The following PARVA variants were observed in gnomAD, a reference collection of about 807,000 sequenced individuals.
PARVA encodes the protein alpha-parvin.
A neutral mutation model predicts 52.6 loss-of-function variants in PARVA; 25 were observed. The ratio of observed to expected loss-of-function variants is 0.48; its 90% CI spans 0.35 to 0.66. PARVA has a LOEUF of 0.66. Among genes scored for constraint, PARVA ranks in the 30% least tolerant of loss-of-function variants. PARVA has a pLI of 0.01. For missense variants in PARVA, 373 were observed against 450.9 expected (o/e 0.83, Z 1.56); for synonymous variants, 185 against 179.1 (o/e 1.03, Z -0.26).
chr11:12,428,295 C>T (rs1475337608), intron 1 of PARVA, among the ~76,000 whole-genome samples: 1 of 152,112 alleles, frequency 6.6e-6, no homozygotes, highest in Non-Finnish European at 1.5e-5. Flanking sequence ...GCTTCCTTTT[C>T]CATATAGAGT....
At chr11:12,425,903 A>C (rs1445686380) in intron 1 of PARVA, among the ~76,000 whole-genome samples, 1 of 152,236 alleles carries the variant, frequency 6.6e-6, no homozygotes, top group East Asian at 1.9e-4. Flanking sequence ...TATTCGCTTT[A>C]GTAAACTATT....
At position 12,531,128 on chromosome 11, in the gene PARVA, C is replaced by A. The variant is rs896012949; in HGVS notation, c.*3203C>A. On this transcript the variant is annotated 3_prime_UTR_variant, in exon 13 of 13. Coordinates refer to ENST00000334956, the MANE Select transcript of PARVA (RefSeq NM_018222.5). Reference sequence around the variant, plus strand: ...TTACTACATACGCTATAATACTGTACTATAAAGTCTAGCTGCCAGCAATGC... The same window carrying A: ...TTACTACATACGCTATAATACTGTAATATAAAGTCTAGCTGCCAGCAATGC... Among the ~76,000 whole-genome samples the A allele has an allele frequency of 6.6e-6, 1 of 152,198 alleles. No individual in the cohort carries two copies. The highest frequency in any genetic ancestry group is 1.5e-5 in the Non-Finnish European group (1 of 68,040).
intron 4 of PARVA, among the ~76,000 whole-genome samples, chr11:12,483,983 T>C (rs1435362891): frequency 3.3e-5 from 5 of 152,284 alleles, no homozygotes; most frequent in East Asian, 1.9e-4. Context: ...TCCAGGGTGA[T>C]TGATGGAAGA....
chr11:12,478,136 G>C (rs1476815871), intron 4 of PARVA, 187 bp downstream of exon 4: 9 of 681,928 alleles, frequency 1.3e-5, no homozygotes, highest in Non-Finnish European at 2.4e-5. Context: ...TCATATGAAT[G>C]AATTGTAGAG....
At chr11:12,523,393 T>A (rs1435161340) in intron 12 of PARVA, among the ~76,000 whole-genome samples, 1 of 152,068 alleles carries the variant, frequency 6.6e-6, no homozygotes, top group Non-Finnish European at 1.5e-5. Flanking sequence ...GGTCAAGGGG[T>A]TCAGAGACCG....
intron 7 of PARVA, among the ~76,000 whole-genome samples, chr11:12,509,478 A>G (rs968802908): frequency 1.3e-5 from 2 of 152,014 alleles, no homozygotes; most frequent in Non-Finnish European, 2.9e-5. Context: ...TGCCCTCTGT[A>G]GCTGCTGTTC....
intron 1 of PARVA, among the ~76,000 whole-genome samples, chr11:12,423,329 C>T (rs2134986500): frequency 1.3e-5 from 2 of 150,920 alleles, no homozygotes; most frequent in East Asian, 2.0e-4. Flanking sequence ...CAGGCGTGCG[C>T]CACCATGCGT....
chr11:12,483,777 A>T (rs7124879), intron 4 of PARVA, among the ~76,000 whole-genome samples: 3 of 152,136 alleles, frequency 2.0e-5, no homozygotes, highest in African/African-American at 7.2e-5. Context: ...TGCGCTGTTG[A>T]TGTTGCTGCC....
At chr11:12,504,671 A>G (rs1941411410) in intron 6 of PARVA, among the ~76,000 whole-genome samples, 1 of 151,468 alleles carries the variant, frequency 6.6e-6, no homozygotes, top group Non-Finnish European at 1.5e-5. Flanking sequence ...GTATGTGCCT[A>G]TGGTTTATGT....
intron 4 of PARVA, 146 bp from the exon 5 acceptor site, chr11:12,496,312 T>A: frequency 1.8e-6 from 1 of 563,176 alleles, no homozygotes; most frequent in East Asian, 3.9e-5. Context: ...GCAGTGTCCC[T>A]CTGCTGGTAG....
chr11:12,404,999 A>G (rs1255877076), intron 1 of PARVA, among the ~76,000 whole-genome samples: 2 of 152,234 alleles, frequency 1.3e-5, no homozygotes, highest in East Asian at 3.8e-4. Flanking sequence ...GGGCTGGGTC[A>G]GCTACCGTCT....
At chr11:12,487,092 T>G (rs1016851237) in intron 4 of PARVA, among the ~76,000 whole-genome samples, 1 of 152,094 alleles carries the variant, frequency 6.6e-6, no homozygotes, top group East Asian at 1.9e-4. Context: ...GGAGTGTCAG[T>G]TTGGATGGGG....
At chr11:12,443,165 C>CAA (rs1940492698) in intron 1 of PARVA, among the ~76,000 whole-genome samples, 4 of 95,038 alleles carry the variant, frequency 4.2e-5, no homozygotes, top group Admixed American at 1.4e-4. Flanking sequence ...CCGGCGCCCC[C>CAA]CTTCTTTTTT....
chr11:12,504,505 G>A (rs898484043), intron 6 of PARVA, 76 bp downstream of exon 6: 2 of 851,090 alleles, frequency 2.3e-6, no homozygotes, highest in Non-Finnish European at 3.9e-6. Flanking sequence ...GCGTCGAGTA[G>A]GTCATTAGAA....
chr11:12,381,328 C>G (rs1031118275), intron 1 of PARVA, among the ~76,000 whole-genome samples: 2 of 152,186 alleles, frequency 1.3e-5, no homozygotes, highest in African/African-American at 2.4e-5. Flanking sequence ...TCAACTTTCT[C>G]TTTGGTGTTC....
At chr11:12,422,042 A>C (rs1435775469) in intron 1 of PARVA, among the ~76,000 whole-genome samples, 1 of 152,224 alleles carries the variant, frequency 6.6e-6, no homozygotes, top group Non-Finnish European at 1.5e-5. Flanking sequence ...TTTGATTCAT[A>C]GTCATCATCT....
At chr11:12,474,393 G>A (rs1007816213) in intron 3 of PARVA, among the ~76,000 whole-genome samples, 1 of 151,986 alleles carries the variant, frequency 6.6e-6, no homozygotes, top group African/African-American at 2.4e-5. Flanking sequence ...ACAAGGAGCT[G>A]GAACTCAAGC....
At chr11:12,396,179 T>G (rs1428747529) in intron 1 of PARVA, among the ~76,000 whole-genome samples, 2 of 152,298 alleles carry the variant, frequency 1.3e-5, no homozygotes, top group East Asian at 3.9e-4. Flanking sequence ...TATTAATTGG[T>G]AGAACAGGGA....
chr11:12,522,620 T>C (rs1941652070), intron 12 of PARVA, among the ~76,000 whole-genome samples: 1 of 151,974 alleles, frequency 6.6e-6, no homozygotes, highest in Non-Finnish European at 1.5e-5. Flanking sequence ...GGTTTCACCA[T>C]GTTGGCCAGG....
Sources: gnomAD v4.1 joint callset for allele counts (sites outside exome capture counted in the v4.1 genomes callset) on GRCh38, gnomAD v4.1.1 for gene constraint, MANE v1.5 for transcripts, NCBI Gene and HGNC (gene_info 2026-07-23, HGNC 2026-07-21) for gene names.